PARD3B: variants seen among roughly 807,000 people sequenced by gnomAD.
PARD3B encodes par-3 family cell polarity regulator beta, also known as partitioning defective 3 homolog B.
Under a neutral mutation model 130.2 loss-of-function variants are expected in PARD3B, and 103 were observed. The ratio of observed to expected loss-of-function variants is 0.79; its 90% CI spans 0.67 to 0.93. The LOEUF is 0.93. Among genes scored for constraint, PARD3B ranks in the 40% least tolerant of loss-of-function variants. PARD3B has a pLI of 0.00. For synonymous variants in PARD3B, 583 were observed against 553.2 expected (o/e 1.05, Z -0.76); for missense variants, 1,609 against 1,499.2 (o/e 1.07, Z -1.21).
intron 1 of PARD3B, among the ~76,000 whole-genome samples, chr2:204,566,039 A>G (rs2031652499): frequency 2.0e-5 from 3 of 152,218 alleles, no homozygotes; most frequent in Admixed American, 6.5e-5. Context: ...TATTAATACA[A>G]TGACTGCTAG....
intron 4 of PARD3B, among the ~76,000 whole-genome samples, chr2:205,096,169 T>C (rs1189212963): frequency 2.0e-5 from 3 of 152,140 alleles, no homozygotes; most frequent in African/African-American, 7.2e-5. Flanking sequence ...TATGTATGTT[T>C]ATTCAGTTGG....
chr2:204,750,626 A>G (rs1205341664), intron 2 of PARD3B, among the ~76,000 whole-genome samples: 1 of 149,318 alleles, frequency 6.7e-6, no homozygotes, highest in Non-Finnish European at 1.5e-5. Context: ...ACATACATAC[A>G]TACATACACA....
intron 2 of PARD3B, among the ~76,000 whole-genome samples, chr2:204,949,560 C>T (rs937566592): frequency 2.0e-5 from 3 of 151,992 alleles, no homozygotes; most frequent in South Asian, 4.1e-4. Context: ...GGGCTCAAGC[C>T]GCCCTCCCAC....
chr2:205,438,299 G>T (rs570316637), intron 19 of PARD3B, among the ~76,000 whole-genome samples: 1 of 152,268 alleles, frequency 6.6e-6, no homozygotes, highest in Non-Finnish European at 1.5e-5. Context: ...AGAAGGAAGT[G>T]ATGAAATAAG....
chr2:205,610,801 A>T (rs549689972), intron 22 of PARD3B, among the ~76,000 whole-genome samples: 1 of 152,134 alleles, frequency 6.6e-6, no homozygotes, highest in African/African-American at 2.4e-5. Flanking sequence ...AGAATTTAGA[A>T]ATCAGTCTCA....
chr2:204,762,927 A>G (rs1361229254), intron 2 of PARD3B, among the ~76,000 whole-genome samples: 1 of 151,854 alleles, frequency 6.6e-6, no homozygotes, highest in South Asian at 2.1e-4. Flanking sequence ...TGCCCGGCTA[A>G]TTTTGTATTT....
chr2:205,541,638 G>A (rs879027306), intron 21 of PARD3B, among the ~76,000 whole-genome samples: 6 of 151,402 alleles, frequency 4.0e-5, no homozygotes, highest in African/African-American at 7.3e-5. Context: ...GTGAGCCACC[G>A]TGCCCGGCCT....
intron 2 of PARD3B, among the ~76,000 whole-genome samples, chr2:204,830,245 A>G (rs1362144638): frequency 6.6e-6 from 1 of 152,134 alleles, no homozygotes; most frequent in African/African-American, 2.4e-5. Context: ...AATACATAGG[A>G]TAACTGGATT....
At chr2:205,093,473 G>A (rs1702228871) in intron 4 of PARD3B, among the ~76,000 whole-genome samples, 1 of 152,114 alleles carries the variant, frequency 6.6e-6, no homozygotes, top group Admixed American at 6.6e-5. Flanking sequence ...GAGGGAGATT[G>A]AGTCCATGCA....
chr2:204,854,379 G>A (rs1372285449), intron 2 of PARD3B, among the ~76,000 whole-genome samples: 1 of 152,128 alleles, frequency 6.6e-6, no homozygotes, highest in Non-Finnish European at 1.5e-5. Flanking sequence ...TTAGAATAAA[G>A]ACAAGGATTT....
At chr2:204,979,260 C>T in intron 3 of PARD3B, among the ~76,000 whole-genome samples, 1 of 151,746 alleles carries the variant, frequency 6.6e-6, no homozygotes, top group East Asian at 1.9e-4. Flanking sequence ...TAAATAAAAT[C>T]AGATCAACAG....
At chr2:205,465,634 A>G (rs1039940731) in intron 20 of PARD3B, among the ~76,000 whole-genome samples, 1 of 152,182 alleles carries the variant, frequency 6.6e-6, no homozygotes, top group African/African-American at 2.4e-5. Flanking sequence ...TGGCAAATAC[A>G]TTCTACTTTA....
At chr2:204,665,456 C>G (rs944124404) in intron 1 of PARD3B, among the ~76,000 whole-genome samples, 1 of 152,116 alleles carries the variant, frequency 6.6e-6, no homozygotes, top group Non-Finnish European at 1.5e-5. Context: ...GGGAGTGAGT[C>G]ACATTCCTCA....
intron 2 of PARD3B, among the ~76,000 whole-genome samples, chr2:204,829,187 A>G (rs1334565486): frequency 6.6e-6 from 1 of 152,228 alleles, no homozygotes; most frequent in Non-Finnish European, 1.5e-5. Flanking sequence ...AAGGAATACT[A>G]AAAGTGCACA....
chr2:205,152,255 A>G (rs1347487314), intron 10 of PARD3B, among the ~76,000 whole-genome samples: 1 of 152,098 alleles, frequency 6.6e-6, no homozygotes, highest in African/African-American at 2.4e-5. Context: ...GCTCTTCTCA[A>G]GGAGTATCTT....
At chr2:204,816,950 T>G (rs2043169970) in intron 2 of PARD3B, among the ~76,000 whole-genome samples, 1 of 152,118 alleles carries the variant, frequency 6.6e-6, no homozygotes, top group Non-Finnish European at 1.5e-5. Flanking sequence ...TTGTTTCATA[T>G]GATTTCTATT....
intron 2 of PARD3B, among the ~76,000 whole-genome samples, chr2:204,700,349 A>C (rs944379301): frequency 5.3e-5 from 8 of 152,118 alleles, no homozygotes; most frequent in African/African-American, 1.9e-4. Context: ...TCCTAGTTAT[A>C]ACTTTATTGG....
chr2:205,391,902 G>T (rs2045873154), intron 18 of PARD3B, among the ~76,000 whole-genome samples: 1 of 151,710 alleles, frequency 6.6e-6, no homozygotes, highest in Non-Finnish European at 1.5e-5. Context: ...TAATCTCAGA[G>T]TACAGTTTTT....
rs2033891553 is a variant in PARD3B at position 204,610,751 on chromosome 2, C to A, written c.120+64632C>A. On this transcript the variant is annotated intron_variant, in intron 1 of 22. Transcript: ENST00000406610. This position sits in a 1 kb window ranked among gnomAD's most constrained non-coding sequence, Gnocchi z 4.1. Reference sequence around the variant, plus strand: ...GATAGAAGGAGAAACATCATCTCCCCACCTCTGAGCACCCTAAGAACAAAT... The same window carrying A: ...GATAGAAGGAGAAACATCATCTCCCAACCTCTGAGCACCCTAAGAACAAAT... Among the ~76,000 whole-genome samples the A allele has an allele frequency of 6.6e-6, 1 of 152,180 alleles. No individual in the cohort carries two copies. The highest frequency in any genetic ancestry group is 2.1e-4 in the South Asian group (1 of 4,830).
Sources: gnomAD v4.1 joint callset for allele counts (sites outside exome capture counted in the v4.1 genomes callset) on GRCh38, gnomAD v4.1.1 for gene constraint, Gnocchi (gnomAD v3.1) non-coding constraint, MANE v1.5 for transcripts, NCBI Gene and HGNC (gene_info 2026-07-23, HGNC 2026-07-21) for gene names.